Variants in TET3 observed in about 807,000 individuals in gnomAD.
The protein encoded by TET3 is tet methylcytosine dioxygenase 3.
A neutral mutation model predicts 141.4 loss-of-function variants in TET3; 19 were observed. That is an observed-to-expected ratio of 0.13 (90% CI 0.09 to 0.20). TET3 has a LOEUF of 0.20. TET3 is among the 10% of genes least tolerant of loss of function. The pLI, the probability that TET3 is intolerant of heterozygous loss-of-function variation, is 1.00. For missense variants in TET3, 1,874 were observed against 2,356.9 expected, an observed-to-expected ratio of 0.80 and a Z score of 4.24; for synonymous variants, 1,043 against 980.9, an observed-to-expected ratio of 1.06 and a Z score of -1.18.
intron 8 of TET3, among the ~76,000 whole-genome samples, chr2:74,092,403 G>C (rs1233089314): frequency 6.6e-6 from 1 of 152,136 alleles, no homozygotes; most frequent in Admixed American, 6.5e-5. Flanking sequence ...TTTGAAGTCT[G>C]TCTGTATTCC....
intron 2 of TET3, among the ~76,000 whole-genome samples, chr2:73,994,346 G>A (rs546974927): frequency 6.6e-6 from 1 of 152,258 alleles, no homozygotes; most frequent in Non-Finnish European, 1.5e-5. Flanking sequence ...TCACTGGAGG[G>A]AGTATGCAGG....
intron 4 of TET3, among the ~76,000 whole-genome samples, chr2:74,072,128 G>A (rs1689242472): frequency 1.3e-5 from 2 of 152,116 alleles, no homozygotes; most frequent in Non-Finnish European, 2.9e-5. Context: ...CCACCAGTTT[G>A]CCTTTTTGTT....
At chr2:74,063,491 C>T (rs1688707668) in intron 4 of TET3, among the ~76,000 whole-genome samples, 1 of 152,156 alleles carries the variant, frequency 6.6e-6, no homozygotes, top group Non-Finnish European at 1.5e-5. Flanking sequence ...TATTCTAATT[C>T]TGTCCATCCT....
At chr2:74,001,421 C>T (rs1314553553) in intron 2 of TET3, among the ~76,000 whole-genome samples, 1 of 152,182 alleles carries the variant, frequency 6.6e-6, no homozygotes, top group African/African-American at 2.4e-5. Context: ...TGAGCTCTTC[C>T]AGAAATTGAT....
At chr2:74,086,807 A>AAAC (rs1356389761) in intron 6 of TET3, among the ~76,000 whole-genome samples, 1 of 151,850 alleles carries the variant, frequency 6.6e-6, no homozygotes, top group Non-Finnish European at 1.5e-5. Context: ...AAAAAAAAAA[A>AAAC]AAAAAAGTTT....
At chr2:74,129,017 AGGCTGGGC>A in the TET3 span, among the ~76,000 whole-genome samples, 2 of 143,432 alleles carry the variant, frequency 1.4e-5, no homozygotes, top group African/African-American at 5.1e-5. Flanking sequence ...AAAAAAAAAA[AGGCTGGGC>A]ATGATGGCTC....
At chr2:74,004,267 G>A (rs552148407) in intron 3 of TET3, among the ~76,000 whole-genome samples, 27 of 152,278 alleles carry the variant, frequency 1.8e-4, no homozygotes, top group African/African-American at 6.5e-4. Flanking sequence ...TTGGGTAGCA[G>A]GTGGGTGAGC....
chr2:74,130,513 T>G, the TET3 span: 1 of 152,244 alleles, frequency 6.6e-6, no homozygotes, highest in Admixed American at 6.5e-5. Context: ...AGAAGGCAGC[T>G]GGAGCTCACA....
chr2:74,095,019 A>G (rs1396898656), intron 10 of TET3, among the ~76,000 whole-genome samples: 1 of 151,906 alleles, frequency 6.6e-6, no homozygotes, highest in East Asian at 1.9e-4. Context: ...GGGAGTTTGG[A>G]CTTGGTTAGG....
chr2:74,050,234 A>C (rs1397856351), intron 4 of TET3, among the ~76,000 whole-genome samples: 2 of 152,218 alleles, frequency 1.3e-5, no homozygotes, highest in Non-Finnish European at 2.9e-5. Flanking sequence ...GTGCTTGGGC[A>C]CTTTACATAA....
intron 5 of TET3, among the ~76,000 whole-genome samples, chr2:74,076,939 C>T (rs1689546622): frequency 6.6e-6 from 1 of 152,198 alleles, no homozygotes; most frequent in Admixed American, 6.5e-5. Context: ...CCTAAAATGT[C>T]CCAACTTATT....
At chr2:73,999,971 G>A (rs1232031594) in intron 2 of TET3, among the ~76,000 whole-genome samples, 1 of 152,158 alleles carries the variant, frequency 6.6e-6, no homozygotes, top group African/African-American at 2.4e-5. Flanking sequence ...CTCTGGTGTA[G>A]CCGAGGGCTG....
Position 74,101,230 on chromosome 2 carries a change from C to T in TET3, c.4442C>T (p.Ala1481Val), listed in dbSNP as rs1691191037. The T allele has an allele frequency of 1.2e-6, 2 of 1,612,804 alleles. No homozygotes were observed. Among genetic ancestry groups the T allele is most frequent in the Non-Finnish European group, 1.7e-6 (2 of 1,179,392 alleles). The change falls in exon 12 of 12, where the codon GCC becomes GTC. Residue 1481 changes from alanine to valine, a missense_variant. Ala to Val is a moderately conservative substitution (Grantham distance 64, BLOSUM62 0). Transcript: ENST00000409262. This position sits in a 1 kb window ranked among gnomAD's most constrained non-coding sequence, Gnocchi z 8.5. ...KLSSFGASCL[A>V]PSHFTDGQWG... ...AGTTCCTTTGGGGCCAGCTGCCTGG[C>T]CCCTTCCCACTTCACAGATGGCCAG...
At position 74,087,709 on chromosome 2, in the gene TET3, C is replaced by A; in HGVS notation, c.2680-121C>A. 1.1e-6 allele frequency: 1 copy of A among 892,768 alleles called. No homozygotes were observed. The highest frequency in any genetic ancestry group is 1.6e-6 in the Non-Finnish European group (1 of 611,168). The allele number at this position is 892,768 out of a possible 1,614,324, so 55.3% of individuals were successfully genotyped here. A position where few individuals can be genotyped will look rare whatever the true frequency, so the allele number is the denominator to read the frequency against. Reference sequence around the variant, plus strand: ...TAAGGTTGCTGTCTTCAGGGCATGACATCCCTAGAACCCTGCCGTTAAGAC... The same window carrying A: ...TAAGGTTGCTGTCTTCAGGGCATGAAATCCCTAGAACCCTGCCGTTAAGAC... On this transcript the variant is annotated intron_variant, in intron 6 of 11. Coordinates refer to ENST00000409262, the MANE Select transcript of TET3 (RefSeq NM_001287491.2). The surrounding 1 kb of genome is among the most constrained non-coding windows in gnomAD (Gnocchi z 4.3).
the TET3 span, among the ~76,000 whole-genome samples, chr2:74,131,488 G>A: frequency 1.3e-5 from 2 of 152,124 alleles, no homozygotes; most frequent in Non-Finnish European, 2.9e-5. Context: ...GGGCTTTGCA[G>A]CCTCAGGTCC....
At position 74,046,565 on chromosome 2, in the gene TET3, T is replaced by C. The variant is rs1687632692; in HGVS notation, c.648T>C (p.Leu216=). 1.9e-6 allele frequency: 3 copies of C among 1,613,876 alleles called. No individual in the cohort carries two copies. In the Middle Eastern group the frequency reaches 4.9e-4, roughly 266 times the overall value. Residue 216 remains leucine (L), a synonymous_variant, in exon 4 of 12, where the codon CTT becomes CTC. Coordinates refer to ENST00000409262, the MANE Select transcript of TET3 (RefSeq NM_001287491.2). The surrounding 1 kb of genome is among the most constrained non-coding windows in gnomAD (Gnocchi z 4.3). ...VAEAVSSYGA[L]STRLYETFNR... ...AAGCTGTGTCCTCTTATGGGGCCCTTAGCACCCGGCTCTATGAAACCTTCA... is the reference window on the plus strand; with the variant it reads ...AAGCTGTGTCCTCTTATGGGGCCCTCAGCACCCGGCTCTATGAAACCTTCA...
intron 5 of TET3, among the ~76,000 whole-genome samples, chr2:74,079,370 C>A (rs1245003853): frequency 6.6e-6 from 1 of 151,954 alleles, no homozygotes; most frequent in Non-Finnish European, 1.5e-5. Flanking sequence ...AAAAAGAAAG[C>A]CCCTGGCCAT....
chr2:74,050,075 A>G (rs1170898021), intron 4 of TET3, among the ~76,000 whole-genome samples: 3 of 152,176 alleles, frequency 2.0e-5, no homozygotes, highest in Non-Finnish European at 4.4e-5. Context: ...TTCTCCTTCT[A>G]CAACGTGGGA....
chr2:74,027,142 C>CT (rs1211380442), intron 3 of TET3, among the ~76,000 whole-genome samples: 1 of 152,202 alleles, frequency 6.6e-6, no homozygotes, highest in Non-Finnish European at 1.5e-5. Flanking sequence ...TTGCCTTTCC[C>CT]TTTCCTCTGT....
Sources: allele counts gnomAD v4.1 joint callset (sites outside exome capture counted in the v4.1 genomes callset), GRCh38; gene constraint gnomAD v4.1.1; non-coding constraint Gnocchi (gnomAD v3.1); transcripts MANE v1.5; gene names NCBI Gene and HGNC (gene_info 2026-07-23, HGNC 2026-07-21).